NRIP1: variants seen among roughly 807,000 people sequenced by gnomAD.
The protein encoded by NRIP1 is nuclear receptor interacting protein 1.
A neutral mutation model predicts 75.0 loss-of-function variants in NRIP1; 28 were observed. That is an observed-to-expected ratio of 0.37 (90% CI 0.28 to 0.51). The LOEUF is 0.51. NRIP1 is among the 20% of genes least tolerant of loss of function. NRIP1 has a pLI of 0.92. For synonymous variants in NRIP1, 526 were observed against 487.6 expected (o/e 1.08, Z -1.04); for missense variants, 1,435 against 1,343.7 (o/e 1.07, Z -1.06).
Position 14,966,554 on chromosome 21 carries a change from G to A in NRIP1, c.1639C>T (p.Arg547Trp), listed in dbSNP as rs777534057. The A allele has an allele frequency of 3.9e-5, 63 of 1,613,972 alleles. No homozygotes were observed. Among genetic ancestry groups the A allele is most frequent in the Non-Finnish European group, 5.2e-5 (61 of 1,179,984 alleles). Residue 547 changes from arginine (R) to tryptophan (W), a missense_variant, in exon 4 of 4, where the codon CGG becomes TGG. By Grantham distance (101) the Arg-to-Trp change is moderately radical (BLOSUM62 -3). Coordinates refer to ENST00000318948, the MANE Select transcript of NRIP1 (RefSeq NM_003489.4). ...TSVIESPSTN[R>W]TTPVSTPPLL... ...GGTGGAGTGCTCACTGGAGTAGTCC[G>A]ATTTGTACTGGGGCTTTCTATCACA...
chr21:15,050,779 G>A (rs1172639154), intron 1 of NRIP1: 2 of 456,054 alleles, frequency 4.4e-6, no homozygotes, highest in African/African-American at 2.0e-5. Context: ...GCTTAGAGAA[G>A]GCAAAGGACT....
chr21:15,039,377 A>G (rs1232274418), intron 2 of NRIP1, among the ~76,000 whole-genome samples: 3 of 152,224 alleles, frequency 2.0e-5, no homozygotes, highest in East Asian at 1.9e-4. Context: ...TCCCTCCACA[A>G]TAAGTTTCCA....
chr21:15,013,230 T>C (rs74313789), intron 3 of NRIP1, among the ~76,000 whole-genome samples: 2,921 of 152,300 alleles, frequency 0.019, 142 homozygotes, highest in East Asian at 0.19. Flanking sequence ...TTTTATGCAG[T>C]CTTTTAAAAA....
rs1253618811 is a variant in NRIP1, at chr21:14,961,684, TTTG to T, written c.*3029_*3031del. 5.9e-5 allele frequency: 9 copies of T among 152,424 alleles called. No homozygotes were observed. Among genetic ancestry groups the T allele is most frequent in the Non-Finnish European group, 8.8e-5 (6 of 67,896 alleles). 9.4% of individuals were successfully genotyped at this position (152,424 alleles called of 1,614,324 possible). ...ATGTTAGGATGAACATCTGATCTGA[TTTG>T]TTAAGACATTTTGCCAAATGCACAG... On this transcript the variant is annotated 3_prime_UTR_variant, in exon 4 of 4. Coordinates refer to ENST00000318948, the MANE Select transcript of NRIP1 (RefSeq NM_003489.4).
intron 2 of NRIP1, among the ~76,000 whole-genome samples, chr21:15,035,809 G>A (rs1375262576): frequency 2.6e-5 from 4 of 152,040 alleles, no homozygotes; most frequent in African/African-American, 9.7e-5. Flanking sequence ...ACCCGCCTCG[G>A]CCTCCCAAAG....
chr21:15,049,667 C>T (rs1346853271), intron 1 of NRIP1, among the ~76,000 whole-genome samples: 1 of 151,968 alleles, frequency 6.6e-6, no homozygotes, highest in Non-Finnish European at 1.5e-5. Flanking sequence ...AAACAGTTTC[C>T]ACACATTAAA....
In NRIP1 at chr21:14,966,099, A is replaced by C. The variant is rs374480605; in HGVS notation, c.2094T>G (p.Leu698=). Residue 698 remains leucine (L), a synonymous_variant, in exon 4 of 4, where the codon CTT becomes CTG. Transcript: ENST00000318948. Reference sequence around the variant, plus strand: ...GCAGATTTTCTATTTCAGAACCAGAAAGCCCTGGTTCAGGACCTGTTGGTT... The same window carrying C: ...GCAGATTTTCTATTTCAGAACCAGACAGCCCTGGTTCAGGACCTGTTGGTT... ...SSQPTGPEPG[L]SGSEIENLLE... is the part of the protein sequence containing the mutation. 18 of 1,612,250 alleles carry C rather than the reference A, an allele frequency of 1.1e-5. No homozygotes were observed. Among genetic ancestry groups the C allele is most frequent in the Non-Finnish European group, 1.5e-5 (18 of 1,179,986 alleles).
intron 3 of NRIP1, among the ~76,000 whole-genome samples, chr21:15,005,344 C>T (rs1183066545): frequency 6.7e-6 from 1 of 148,992 alleles, no homozygotes; most frequent in African/African-American, 2.6e-5. Context: ...TTATTTCCTA[C>T]AGCAAAAATT....
chr21:14,976,338 G>T (rs563979079), intron 3 of NRIP1, among the ~76,000 whole-genome samples: 1 of 152,106 alleles, frequency 6.6e-6, no homozygotes, highest in African/African-American at 2.4e-5. Flanking sequence ...CACCATATGC[G>T]TAGATTGATT....
chr21:15,027,733 T>C (rs2088555344), intron 2 of NRIP1, among the ~76,000 whole-genome samples: 1 of 152,116 alleles, frequency 6.6e-6, no homozygotes, highest in Non-Finnish European at 1.5e-5. Context: ...TAAACTGGAG[T>C]AATTCAATAC....
intron 3 of NRIP1, among the ~76,000 whole-genome samples, chr21:14,996,886 A>C (rs1283756003): frequency 6.6e-6 from 1 of 151,966 alleles, no homozygotes; most frequent in Non-Finnish European, 1.5e-5. Context: ...AGATGCTTAC[A>C]TGATATAATT....
intron 3 of NRIP1, among the ~76,000 whole-genome samples, chr21:14,990,891 T>C (rs1198684385): frequency 2.0e-5 from 3 of 152,172 alleles, no homozygotes; most frequent in South Asian, 2.1e-4. Context: ...TCACACTGCC[T>C]GCAAAGTTCA....
At chr21:14,976,031 TAA>T (rs1232565206) in intron 3 of NRIP1, among the ~76,000 whole-genome samples, 1 of 152,064 alleles carries the variant, frequency 6.6e-6, no homozygotes, top group African/African-American at 2.4e-5. Flanking sequence ...ATATATTTTT[TAA>T]AAAAGCATTT....
chr21:15,000,653 G>C (rs952266499), intron 3 of NRIP1, among the ~76,000 whole-genome samples: 35 of 152,148 alleles, frequency 2.3e-4, no homozygotes, highest in African/African-American at 7.7e-4. Context: ...TAAGTAAAAA[G>C]AGTTTAAAGA....
chr21:15,060,771 G>A (rs747584390), intron 1 of NRIP1, among the ~76,000 whole-genome samples: 5 of 152,070 alleles, frequency 3.3e-5, no homozygotes, highest in Non-Finnish European at 7.4e-5. Context: ...CCTCCTAAAA[G>A]AGAATAGAAT....
intron 2 of NRIP1, among the ~76,000 whole-genome samples, chr21:15,040,335 A>C (rs560367134): frequency 6.6e-6 from 1 of 152,216 alleles, no homozygotes; most frequent in Admixed American, 6.5e-5. Flanking sequence ...AGCTACTAGA[A>C]ACTTTAACAT....
intron 2 of NRIP1, among the ~76,000 whole-genome samples, chr21:15,042,080 A>G (rs2088967379): frequency 6.6e-6 from 1 of 152,244 alleles, no homozygotes; most frequent in Non-Finnish European, 1.5e-5. Flanking sequence ...AAAAGACTGT[A>G]TTCAACCAAC....
intron 3 of NRIP1, among the ~76,000 whole-genome samples, chr21:15,009,796 G>A (rs2088059206): frequency 6.6e-6 from 1 of 152,144 alleles, no homozygotes; most frequent in Non-Finnish European, 1.5e-5. Context: ...ATTTAATGAT[G>A]AAAGATGTGG....
rs766469192 is a variant in NRIP1 at position 14,966,508 on chromosome 21, G to A, written c.1685C>T (p.Ala562Val). ...TTGAGAGAGATTGATGGGAGACCCT[G>A]CTTTGCTTGATGTAAGTAAAGGTGG... ...STPPLLTSSK[A>V]GSPINLSQHS... The change falls in exon 4 of 4, where the codon GCA (alanine) becomes GTA (valine). Residue 562 changes from alanine (A) to valine (V), a missense_variant. Coordinates refer to ENST00000318948, the MANE Select transcript of NRIP1 (RefSeq NM_003489.4). 2.5e-6 allele frequency: 4 copies of A among 1,614,112 alleles called. No homozygotes were observed. In the East Asian group the frequency reaches 6.7e-5, roughly 27 times the overall value.
Sources: gnomAD v4.1 joint callset for allele counts (sites outside exome capture counted in the v4.1 genomes callset) on GRCh38, gnomAD v4.1.1 for gene constraint, MANE v1.5 for transcripts, NCBI Gene and HGNC (gene_info 2026-07-23, HGNC 2026-07-21) for gene names.